The following ASTN2 variants were observed in gnomAD, a reference collection of about 807,000 sequenced individuals.
ASTN2 encodes astrotactin 2, also known as astrotactin-2.
A neutral mutation model predicts 139.8 loss-of-function variants in ASTN2; 54 were observed. The ratio of observed to expected loss-of-function variants is 0.39; its 90% CI spans 0.31 to 0.48. The LOEUF is 0.48. Ranked by LOEUF, ASTN2 falls within the 20% of genes least tolerant of loss-of-function variation. The pLI, the probability that ASTN2 is intolerant of heterozygous loss-of-function variation, is 0.95. For missense variants in ASTN2, 1,565 were observed against 1,725.1 expected, an observed-to-expected ratio of 0.91 and a Z score of 1.64; for synonymous variants, 756 against 719.5, an observed-to-expected ratio of 1.05 and a Z score of -0.81.
chr9:117,137,857 C>G (rs67284826), intron 4 of ASTN2, among the ~76,000 whole-genome samples: 2 of 151,986 alleles, frequency 1.3e-5, no homozygotes, highest in African/African-American at 4.8e-5. Flanking sequence ...AAATCACAAG[C>G]ATACTGTGAT....
chr9:116,847,057 A>AG (rs1832459360), intron 11 of ASTN2, among the ~76,000 whole-genome samples: 1 of 150,916 alleles, frequency 6.6e-6, no homozygotes, highest in South Asian at 2.1e-4. Context: ...ACAAAAAAAA[A>AG]CATATATTCT....
chr9:117,058,245 A>C (rs1233656542), intron 5 of ASTN2, among the ~76,000 whole-genome samples: 3 of 152,200 alleles, frequency 2.0e-5, no homozygotes, highest in Non-Finnish European at 2.9e-5. Flanking sequence ...ATTTGAGAAA[A>C]AGGGAACAGG....
chr9:116,685,074 A>G (rs1401288618), intron 16 of ASTN2, among the ~76,000 whole-genome samples: 2 of 152,190 alleles, frequency 1.3e-5, no homozygotes, highest in African/African-American at 4.8e-5. Context: ...TTTAGGAGTC[A>G]TGCAGCTGGA....
chr9:116,866,457 G>A (rs1833015095), intron 10 of ASTN2, among the ~76,000 whole-genome samples: 1 of 152,168 alleles, frequency 6.6e-6, no homozygotes, highest in Non-Finnish European at 1.5e-5. Context: ...GTTTATGGGA[G>A]GAAAGAATTA....
intron 19 of ASTN2, among the ~76,000 whole-genome samples, chr9:116,533,222 CT>C (rs1471371604): frequency 1.3e-5 from 2 of 152,196 alleles, no homozygotes; most frequent in African/African-American, 4.8e-5. Flanking sequence ...TATCCTGAGA[CT>C]TTGCTGAAGT....
intron 2 of ASTN2, among the ~76,000 whole-genome samples, chr9:117,221,309 TG>T (rs1228235666): frequency 6.6e-6 from 1 of 151,844 alleles, no homozygotes; most frequent in East Asian, 1.9e-4. Context: ...GAGAGCCTTC[TG>T]AAAAGTCAAA....
chr9:116,577,468 G>A (rs1853768561), intron 19 of ASTN2, among the ~76,000 whole-genome samples: 2 of 151,972 alleles, frequency 1.3e-5, no homozygotes, highest in South Asian at 2.1e-4. Flanking sequence ...GGAGGTCAAG[G>A]CTGCAGTGAG....
chr9:116,438,287 T>C (rs2118861664), intron 22 of ASTN2, among the ~76,000 whole-genome samples: 1 of 152,326 alleles, frequency 6.6e-6, no homozygotes, highest in South Asian at 2.1e-4. Context: ...TCTCCTTTAA[T>C]GGTCTGATAA....
At chr9:117,066,092 T>A (rs983212979) in intron 5 of ASTN2, among the ~76,000 whole-genome samples, 1 of 148,350 alleles carries the variant, frequency 6.7e-6, no homozygotes. Context: ...TATGTATACA[T>A]GTGCCATGCT....
At chr9:117,312,158 C>T (rs1827993197) in intron 1 of ASTN2, among the ~76,000 whole-genome samples, 1 of 152,192 alleles carries the variant, frequency 6.6e-6, no homozygotes, top group African/African-American at 2.4e-5. Flanking sequence ...CCTTCTTCCC[C>T]CCAGAGACTT....
At chr9:116,775,476 G>A (rs1405010512) in intron 13 of ASTN2, among the ~76,000 whole-genome samples, 2 of 135,842 alleles carry the variant, frequency 1.5e-5, no homozygotes, top group East Asian at 2.2e-4. Flanking sequence ...GGAGGCAGAT[G>A]GGGAAGAAGG....
At chr9:116,494,484 A>G (rs1849612385) in intron 19 of ASTN2, among the ~76,000 whole-genome samples, 1 of 152,032 alleles carries the variant, frequency 6.6e-6, no homozygotes, top group South Asian at 2.1e-4. Context: ...ATCATATCTA[A>G]CTCCCTAAAA....
chr9:116,678,346 C>G (rs940464760), intron 16 of ASTN2, among the ~76,000 whole-genome samples: 1 of 152,136 alleles, frequency 6.6e-6, no homozygotes, highest in African/African-American at 2.4e-5. Context: ...AGGCTCCACC[C>G]CTAGTACATA....
intron 7 of ASTN2, among the ~76,000 whole-genome samples, chr9:116,987,962 G>A (rs1434679753): frequency 2.0e-5 from 3 of 152,182 alleles, no homozygotes; most frequent in Non-Finnish European, 2.9e-5. Flanking sequence ...GTGGCATGGA[G>A]CAAAATTGTG....
At chr9:117,159,133 A>G (rs1358071015) in intron 3 of ASTN2, among the ~76,000 whole-genome samples, 4 of 152,026 alleles carry the variant, frequency 2.6e-5, no homozygotes, top group African/African-American at 7.2e-5. Context: ...CTTTTTTATT[A>G]TATAGAATGA....
intron 2 of ASTN2, among the ~76,000 whole-genome samples, chr9:117,253,428 A>C (rs911963325): frequency 1.3e-5 from 2 of 152,174 alleles, no homozygotes; most frequent in Non-Finnish European, 2.9e-5. Flanking sequence ...GGCCACCACC[A>C]AGGCTGTCTT....
At chr9:117,163,101 A>G (rs1212472762) in intron 3 of ASTN2, among the ~76,000 whole-genome samples, 2 of 152,054 alleles carry the variant, frequency 1.3e-5, no homozygotes, top group Admixed American at 1.3e-4. Flanking sequence ...CGGAAGCCCC[A>G]GAGGGGTTAC....
intron 4 of ASTN2, among the ~76,000 whole-genome samples, chr9:117,108,826 A>G (rs927922484): frequency 3.3e-5 from 5 of 152,142 alleles, no homozygotes; most frequent in Admixed American, 6.5e-5. Flanking sequence ...ATAGAAATGC[A>G]ATACATCTGG....
chr9:116,670,535 G>A (rs1030314775), intron 16 of ASTN2, among the ~76,000 whole-genome samples: 2 of 152,202 alleles, frequency 1.3e-5, no homozygotes, highest in South Asian at 2.1e-4. Context: ...GCAGTGACAT[G>A]AAAATAATAT....
Sources: gnomAD v4.1 joint callset for allele counts (sites outside exome capture counted in the v4.1 genomes callset) on GRCh38, gnomAD v4.1.1 for gene constraint, MANE v1.5 for transcripts, NCBI Gene and HGNC (gene_info 2026-07-23, HGNC 2026-07-21) for gene names.